Variants in DIPK1A observed in about 807,000 individuals in gnomAD.
DIPK1A encodes the protein divergent protein kinase domain 1A.
DIPK1A carries 27 observed loss-of-function variants against 40.8 expected under a neutral mutation model. That is an observed-to-expected ratio of 0.66 (90% confidence interval 0.49 to 0.91). The LOEUF is 0.91. DIPK1A is among the 40% of genes least tolerant of loss of function. The pLI, the probability that DIPK1A is intolerant of heterozygous loss-of-function variation, is 0.00. For synonymous variants in DIPK1A, 166 were observed against 171.3 expected (o/e 0.97, Z 0.24); for missense variants, 412 against 505.7 (o/e 0.81, Z 1.78).
chr1:92,839,013 A>G (rs1687232113), downstream of DIPK1A, among the ~76,000 whole-genome samples: 1 of 147,628 alleles, frequency 6.8e-6, no homozygotes, highest in Non-Finnish European at 1.5e-5. Flanking sequence ...TAATTATTAG[A>G]TATTCAGAGA....
chr1:92,833,318 A>C, intron 4 of DIPK1A: 1 of 1,239,722 alleles, frequency 8.1e-7, no homozygotes, highest in South Asian at 1.2e-5. Context: ...ACTTTGTTAC[A>C]TGGTTAATTT....
Position 92,961,430 on chromosome 1 carries a change from G to GATTA in DIPK1A, c.-2_-1insTAAT. On this transcript the variant is annotated 5_prime_UTR_variant, in exon 1 of 5. It introduces an in-frame stop codon into an upstream open reading frame of the 5' UTR. Coordinates refer to ENST00000370310, the MANE Select transcript of DIPK1A (RefSeq NM_001006605.5). ...CCCCCGGACAGAGACTCCTCGCCAT[G>GATTA]GTAATCACACATCGCCCCGCCGCGC... The GATTA allele has an allele frequency of 6.6e-7, 1 of 1,511,618 alleles. No homozygotes were observed. Among genetic ancestry groups the GATTA allele is most frequent in the Non-Finnish European group, 8.9e-7 (1 of 1,126,406 alleles). 93.6% of individuals were successfully genotyped at this position (1,511,618 alleles called of 1,614,324 possible).
intron 1 of DIPK1A, among the ~76,000 whole-genome samples, chr1:92,905,169 T>C (rs1318008346): frequency 6.6e-6 from 1 of 152,164 alleles, no homozygotes; most frequent in Admixed American, 6.5e-5. Context: ...GGTGTATACC[T>C]AGCAGTGGGA....
chr1:92,836,837 G>A, intron 4 of DIPK1A: 1 of 208,632 alleles, frequency 4.8e-6, no homozygotes, highest in Non-Finnish European at 9.8e-6. Context: ...GAATAAGATT[G>A]TAGGCCATTT....
chr1:92,863,872 T>C (rs1358942788), intron 2 of DIPK1A, among the ~76,000 whole-genome samples: 2 of 151,958 alleles, frequency 1.3e-5, no homozygotes, highest in Non-Finnish European at 2.9e-5. Context: ...CTAGTCAACA[T>C]GGTGAAACCC....
At position 92,893,358 on chromosome 1, in the gene DIPK1A, A is replaced by G. The variant is rs899100193; in HGVS notation, c.55-16928T>C. On this transcript the variant is annotated intron_variant, in intron 1 of 4. Transcript: ENST00000370310. ...GTGGGGGCCAATATTCAACATGCTT[A>G]AAGAAAAGAATTTTCAACCCAGAAT... 1.4e-3 allele frequency among the ~76,000 whole-genome samples: 212 copies of G among 151,974 alleles called. 3 individuals are homozygous for G. Among genetic ancestry groups the G allele is most frequent in the African/African-American group, 5.0e-3 (205 of 41,336 alleles).
At chr1:92,837,778 T>C, downstream of DIPK1A, 2 of 706,526 alleles carry the variant, frequency 2.8e-6, no homozygotes, top group Non-Finnish European at 4.9e-6. Flanking sequence ...AGTAATCTTT[T>C]AGATGCTCAA....
chr1:92,900,017 T>C (rs1649341941), intron 1 of DIPK1A, among the ~76,000 whole-genome samples: 3 of 150,914 alleles, frequency 2.0e-5, no homozygotes, highest in Non-Finnish European at 4.4e-5. Context: ...TTCACTTATA[T>C]GTGACTTGAC....
Position 92,852,432 on chromosome 1 carries a change from G to A in DIPK1A, c.190-1477C>T, listed in dbSNP as rs114926103. ...AGAGTCGCTTGAACCCTGCGGGGGC[G>A]GAGGTTGCAGTGAGCCGAGATCACA... On this transcript the variant is annotated intron_variant, in intron 2 of 4. Transcript: ENST00000370310. 2.2e-3 allele frequency among the ~76,000 whole-genome samples: 337 copies of A among 151,002 alleles called. 1 individual carries two copies. Among genetic ancestry groups the A allele is most frequent in the Non-Finnish European group, 4.1e-3 (275 of 67,648 alleles).
chr1:92,914,996 CAG>C (rs374250275), intron 1 of DIPK1A, among the ~76,000 whole-genome samples: 2 of 148,606 alleles, frequency 1.3e-5, no homozygotes, highest in African/African-American at 5.0e-5. Context: ...GCTGAGGGAC[CAG>C]AGTCTCTTGA....
intron 1 of DIPK1A, among the ~76,000 whole-genome samples, chr1:92,918,087 AC>A (rs1185549935): frequency 1.3e-5 from 2 of 152,200 alleles, no homozygotes; most frequent in Non-Finnish European, 2.9e-5. Flanking sequence ...AAAGAAAAAT[AC>A]ATTTGTTTTT....
intron 4 of DIPK1A, chr1:92,836,753 A>C (rs777400897): frequency 3.8e-5 from 9 of 233,942 alleles, no homozygotes; most frequent in Non-Finnish European, 6.8e-5. Context: ...TGAATTATGC[A>C]AAAAGGTGGA....
At chr1:92,903,488 CTTAATA>C (rs568766142) in intron 1 of DIPK1A, among the ~76,000 whole-genome samples, 149 of 152,266 alleles carry the variant, frequency 9.8e-4, no homozygotes, top group African/African-American at 3.3e-3. Flanking sequence ...AATATGCTCT[CTTAATA>C]TTAAGTACTA....
rs143998608 is a variant in DIPK1A, at chr1:92,833,115, G to C, written c.475-81C>G. On this transcript the variant is annotated intron_variant, in intron 4 of 4. Transcript: ENST00000615519. ...AACAATAATTTTATACCTGTTAAATGTAATAAATTGGGGCCTGCATTTTGT... is the reference window on the plus strand; with the variant it reads ...AACAATAATTTTATACCTGTTAAATCTAATAAATTGGGGCCTGCATTTTGT... 3.1e-3 allele frequency: 2,131 copies of C among 690,034 alleles called. 28 individuals are homozygous for C. Among genetic ancestry groups the C allele is most frequent in the African/African-American group, 0.03 (1,696 of 56,356 alleles). 42.7% of individuals were successfully genotyped at this position (690,034 alleles called of 1,614,324 possible).
At chr1:92,951,616 G>A (rs1651636588) in intron 1 of DIPK1A, among the ~76,000 whole-genome samples, 1 of 152,140 alleles carries the variant, frequency 6.6e-6, no homozygotes. Flanking sequence ...CGTTACAGGA[G>A]CACTGGAAAA....
At chr1:92,869,005 C>T (rs145582862) in intron 2 of DIPK1A, among the ~76,000 whole-genome samples, 118 of 150,496 alleles carry the variant, frequency 7.8e-4, no homozygotes, top group African/African-American at 2.7e-3. Flanking sequence ...ATCTTGCTTA[C>T]CACAATATCC....
intron 1 of DIPK1A, among the ~76,000 whole-genome samples, chr1:92,911,546 G>T (rs997900433): frequency 6.6e-6 from 1 of 152,040 alleles, no homozygotes; most frequent in African/African-American, 2.4e-5. Context: ...TATTATATAC[G>T]TACCATAGTT....
intron 1 of DIPK1A, among the ~76,000 whole-genome samples, chr1:92,896,040 G>C (rs1649149508): frequency 6.6e-6 from 1 of 152,126 alleles, no homozygotes; most frequent in African/African-American, 2.4e-5. Context: ...CCATGCTCAT[G>C]GGTAGGAAGA....
chr1:92,877,204 T>C (rs1648171225), intron 1 of DIPK1A: 23 of 831,642 alleles, frequency 2.8e-5, no homozygotes, highest in Non-Finnish European at 3.3e-5. Flanking sequence ...GTTGATGCCT[T>C]TTTTCCATCA....
Sources: gnomAD v4.1 joint callset for allele counts (sites outside exome capture counted in the v4.1 genomes callset) on GRCh38, gnomAD v4.1.1 for gene constraint, MANE v1.5 for transcripts, NCBI Gene and HGNC (gene_info 2026-07-23, HGNC 2026-07-21) for gene names.